PITPNM3: variants seen among roughly 807,000 people sequenced by gnomAD.
PITPNM3 encodes the protein membrane-associated phosphatidylinositol transfer protein 3.
In PITPNM3, 26 loss-of-function variants were observed where a neutral mutation model predicts 102.0. That is an observed-to-expected ratio of 0.25 (90% CI 0.19 to 0.35). The LOEUF (loss-of-function observed/expected upper bound fraction) is 0.35. Among genes scored for constraint, PITPNM3 ranks in the 10% least tolerant of loss-of-function variants. The pLI, the probability that PITPNM3 is intolerant of heterozygous loss-of-function variation, is 1.00. For missense variants in PITPNM3, 1,083 were observed against 1,346.1 expected, an observed-to-expected ratio of 0.80 and a Z score of 3.06; for synonymous variants, 578 against 558.6, an observed-to-expected ratio of 1.03 and a Z score of -0.49.
chr17:6,468,319 T>C lies in PITPNM3; in HGVS notation c.1796A>G (p.Asn599Ser), dbSNP rs1201318757. ...LRQVMRYESV[N>S]IKESARLDPA... Reference sequence around the variant, plus strand: ...GTCCAGGCGGGCGCTTTCCTTGATGTTCACGCTCTCATAGCGCATTACCTA... The same window carrying C: ...GTCCAGGCGGGCGCTTTCCTTGATGCTCACGCTCTCATAGCGCATTACCTA... Residue 599 changes from asparagine to serine, a missense_variant, in exon 14 of 20, where the codon AAC becomes AGC. Physicochemically the swap from Asn to Ser is conservative, Grantham distance 46. Around this residue, in one of 5 missense-constraint regions of PITPNM3, gnomAD observed 410 missense variants for 638.4 expected, o/e 0.64. Coordinates refer to ENST00000262483, the MANE Select transcript of PITPNM3 (RefSeq NM_031220.4). This position sits in a 1 kb window ranked among gnomAD's most constrained non-coding sequence, Gnocchi z 5.2. The C allele has an allele frequency of 6.2e-7, 1 of 1,614,102 alleles. No homozygotes were observed. Among genetic ancestry groups the C allele is most frequent in the Non-Finnish European group, 8.5e-7 (1 of 1,180,002 alleles).
intron 1 of PITPNM3, among the ~76,000 whole-genome samples, chr17:6,553,394 T>C (rs1384081599): frequency 6.6e-6 from 1 of 152,172 alleles, no homozygotes; most frequent in Non-Finnish European, 1.5e-5. Flanking sequence ...GATAACAATT[T>C]CTCTTGTACC....
chr17:6,474,286 C>A, intron 10 of PITPNM3, 146 bp downstream of exon 10: 1 of 1,176,280 alleles, frequency 8.5e-7, no homozygotes. Context: ...TCCTCTTCCC[C>A]ACCCTCTCTC....
intron 2 of PITPNM3, among the ~76,000 whole-genome samples, chr17:6,530,053 C>G (rs1197674518): frequency 6.6e-6 from 1 of 152,188 alleles, no homozygotes; most frequent in Non-Finnish European, 1.5e-5. Flanking sequence ...TCCACTCCCT[C>G]CAGGAGACAA....
chr17:6,506,211 A>T (rs765126188), intron 3 of PITPNM3, among the ~76,000 whole-genome samples: 1 of 152,134 alleles, frequency 6.6e-6, no homozygotes, highest in Non-Finnish European at 1.5e-5. Flanking sequence ...GCCTCATGCA[A>T]AAAGGAAATG....
chr17:6,514,971 T>C (rs1908071742), intron 3 of PITPNM3, among the ~76,000 whole-genome samples: 1 of 152,158 alleles, frequency 6.6e-6, no homozygotes, highest in Non-Finnish European at 1.5e-5. Flanking sequence ...AAAAACATTA[T>C]GTTAAGGGAA....
At position 6,463,908 on chromosome 17, in the gene PITPNM3, C is replaced by T. The variant is rs151269815; in HGVS notation, c.2157-27G>A. 2.9e-3 allele frequency: 4,726 copies of T among 1,613,100 alleles called. 28 individuals carry two copies. Among genetic ancestry groups the T allele is most frequent in the Middle Eastern group, 0.024 (147 of 6,056 alleles). On this transcript the variant is annotated intron_variant, in intron 16 of 19. Coordinates refer to ENST00000262483, the MANE Select transcript of PITPNM3 (RefSeq NM_031220.4). ...TGAAAGAAACCTGCCTGTGGTCAGC[C>T]GTGAGGTCAGGGTCAGACGTTAGCC...
chr17:6,485,144 CTT>C (rs1906001863), intron 4 of PITPNM3, among the ~76,000 whole-genome samples: 2 of 151,430 alleles, frequency 1.3e-5, no homozygotes, highest in African/African-American at 2.4e-5. Context: ...TAATAAGTCT[CTT>C]TTTAATTTTC....
chr17:6,481,986 CTCTCT>C (rs1905734594), intron 6 of PITPNM3, among the ~76,000 whole-genome samples: 5 of 1,656 alleles, frequency 3.0e-3, no homozygotes, highest in African/African-American at 0.012. Flanking sequence ...AAAACAGAAC[CTCTCT>C]CTCTCTCTCT....
Position 6,483,760 on chromosome 17 carries a change from C to T in PITPNM3, c.352-8G>A, listed in dbSNP as rs1406814502. On this transcript the variant is annotated splice_region_variant and splice_polypyrimidine_tract_variant and intron_variant, in intron 5 of 19. Transcript: ENST00000262483. Reference sequence around the variant, plus strand: ...GCGCTGCGGGCAGCCTTCCTGAGAGCCAAGGCGGTTGGAATACAGAGAGAG... The same window carrying T: ...GCGCTGCGGGCAGCCTTCCTGAGAGTCAAGGCGGTTGGAATACAGAGAGAG... 6.2e-7 allele frequency: 1 copy of T among 1,609,946 alleles called. No homozygotes were observed. The highest frequency in any genetic ancestry group is 1.3e-5 in the African/African-American group (1 of 74,888).
chr17:6,494,135 T>A (rs573114193), intron 4 of PITPNM3, among the ~76,000 whole-genome samples: 27 of 152,284 alleles, frequency 1.8e-4, no homozygotes, highest in Admixed American at 7.2e-4. Context: ...ACTCTCCCCA[T>A]CTTAAAGATG....
At chr17:6,544,654 T>TCTGTCTCACA (rs376230474) in intron 1 of PITPNM3, among the ~76,000 whole-genome samples, 1 of 130,206 alleles carries the variant, frequency 7.7e-6, no homozygotes, top group South Asian at 2.7e-4. Context: ...TCTCTCTCTC[T>TCTGTCTCACA]CACACACACA....
At chr17:6,505,425 C>A (rs1050319949) in intron 3 of PITPNM3, among the ~76,000 whole-genome samples, 1 of 152,058 alleles carries the variant, frequency 6.6e-6, no homozygotes, top group African/African-American at 2.4e-5. Flanking sequence ...ACCTAGGGGC[C>A]GTGACAAAGC....
intron 4 of PITPNM3, among the ~76,000 whole-genome samples, chr17:6,495,801 A>T (rs537644294): frequency 2.6e-5 from 4 of 152,302 alleles, no homozygotes; most frequent in Admixed American, 2.0e-4. Flanking sequence ...GCTGCAAGGG[A>T]ATGTACAGTC....
intron 10 of PITPNM3, chr17:6,473,121 T>G: frequency 1.0e-4 from 47 of 451,166 alleles, no homozygotes; most frequent in East Asian, 1.9e-4. Flanking sequence ...TTGTGGGCCC[T>G]CCCTCCCCCA....
chr17:6,508,373 G>A (rs1350890624), intron 3 of PITPNM3, among the ~76,000 whole-genome samples: 3 of 152,218 alleles, frequency 2.0e-5, no homozygotes, highest in Non-Finnish European at 4.4e-5. Flanking sequence ...TAAGGCTGCT[G>A]AGCCTCAGCG....
At chr17:6,503,434 C>G in intron 4 of PITPNM3, 93 bp downstream of exon 4, 1 of 1,417,082 alleles carries the variant, frequency 7.1e-7, no homozygotes, top group Non-Finnish European at 9.9e-7. Flanking sequence ...GCCATCCTTT[C>G]AGGCTCTGAG....
chr17:6,471,436 G>C (rs1905070693), intron 11 of PITPNM3, 81 bp from the exon 12 acceptor site: 2 of 1,327,916 alleles, frequency 1.5e-6, no homozygotes, highest in African/African-American at 1.5e-5. Flanking sequence ...CATGCTGGGA[G>C]GGAGGCTGGG....
intron 1 of PITPNM3, among the ~76,000 whole-genome samples, chr17:6,540,117 A>C (rs1909653202): frequency 6.6e-6 from 1 of 152,184 alleles, no homozygotes; most frequent in Non-Finnish European, 1.5e-5. Flanking sequence ...GAAAGGCTGC[A>C]GGGAGGCCAG....
At chr17:6,524,159 T>C (rs1225402541) in intron 3 of PITPNM3, among the ~76,000 whole-genome samples, 2 of 152,174 alleles carry the variant, frequency 1.3e-5, no homozygotes, top group East Asian at 3.9e-4. Context: ...GGCAAGATGG[T>C]CACTACCAAG....
Sources: gnomAD v4.1 joint callset for allele counts (sites outside exome capture counted in the v4.1 genomes callset) on GRCh38, gnomAD v4.1.1 for gene constraint, gnomAD v4.1.1 regional missense constraint, Gnocchi (gnomAD v3.1) non-coding constraint, MANE v1.5 for transcripts, NCBI Gene and HGNC (gene_info 2026-07-23, HGNC 2026-07-21) for gene names.